Variants in CDC42BPA observed in about 807,000 individuals in gnomAD.
The protein encoded by CDC42BPA is CDC42 binding protein kinase alpha.
A neutral mutation model predicts 223.5 loss-of-function variants in CDC42BPA; 80 were observed. That is an observed-to-expected ratio of 0.36 (90% CI 0.30 to 0.43). CDC42BPA has a LOEUF of 0.43. Among genes scored for constraint, CDC42BPA ranks in the 20% least tolerant of loss-of-function variants. The pLI is 1.00. For synonymous variants in CDC42BPA, 694 were observed against 718.6 expected (o/e 0.97, Z 0.55); for missense variants, 1,743 against 2,099.9 (o/e 0.83, Z 3.32).
intron 1 of CDC42BPA, among the ~76,000 whole-genome samples, chr1:227,307,603 C>G (rs1572993254): frequency 1.3e-5 from 2 of 152,166 alleles, no homozygotes; most frequent in Non-Finnish European, 2.9e-5. Flanking sequence ...ACAAAAAGCA[C>G]TATTTTCCAA....
In CDC42BPA at chr1:227,181,811, G is replaced by A. The variant is rs529472140; in HGVS notation, c.599+11975C>T. On this transcript the variant is annotated intron_variant, in intron 5 of 36. Coordinates refer to ENST00000366766, the MANE Select transcript of CDC42BPA (RefSeq NM_001394014.1). ...TGTCCAACTTGGGCACAACTATGAAGTAGAAGTATTTTCTTAAGCTTTTAT... is the reference window on the plus strand; with the variant it reads ...TGTCCAACTTGGGCACAACTATGAAATAGAAGTATTTTCTTAAGCTTTTAT... Among the ~76,000 whole-genome samples the A allele has an allele frequency of 1.2e-4, 18 of 152,238 alleles. 1 individual carries two copies. The South Asian group carries it at 2.9e-3, about 25-fold the overall frequency.
chr1:227,137,544 A>G (rs4351610), intron 10 of CDC42BPA, among the ~76,000 whole-genome samples: 55,731 of 151,750 alleles, frequency 0.37, 10,388 homozygotes, highest in Middle Eastern at 0.39. Context: ...TAGGACCACC[A>G]AAATAAATAG....
At chr1:227,040,575 A>C (rs1410302599) in intron 23 of CDC42BPA, among the ~76,000 whole-genome samples, 1 of 152,210 alleles carries the variant, frequency 6.6e-6, no homozygotes, top group Non-Finnish European at 1.5e-5. Flanking sequence ...GCAAATAGTT[A>C]AGTAAAATAT....
rs185887877 is a variant in CDC42BPA, at chr1:227,111,644, T to C, written c.2001+668A>G. 2.0e-5 allele frequency among the ~76,000 whole-genome samples: 3 copies of C among 152,072 alleles called. No homozygotes were observed. The East Asian group carries it at 5.8e-4, about 29-fold the overall frequency. On this transcript the variant is annotated intron_variant, in intron 14 of 36. Coordinates refer to ENST00000366766, the MANE Select transcript of CDC42BPA (RefSeq NM_001394014.1). ...GGATTACAGGCGTGCGCACCATGCC[T>C]GGCTAATTTTGTATTTTTAGTAGAG...
In CDC42BPA at chr1:226,992,600, C is replaced by T. The variant is rs1342615868; in HGVS notation, c.*1668G>A. 2 of 152,250 alleles carry T rather than the reference C, an allele frequency of 1.3e-5. No individual in the cohort carries two copies. The highest frequency in any genetic ancestry group is 2.9e-5 in the Non-Finnish European group (2 of 68,048). The allele number at this position is 152,250 out of a possible 1,614,324, so 9.4% of individuals were successfully genotyped here. A position where few individuals can be genotyped will look rare whatever the true frequency, so the allele number is the denominator to read the frequency against. On this transcript the variant is annotated 3_prime_UTR_variant, in exon 37 of 37. Transcript: ENST00000366766. ...AGCAGTGAAATGATGGCCTTAAACA[C>T]TGCAACTCAGGTTAGCAACTGCAGG...
chr1:227,225,580 G>A (rs1468370319), intron 2 of CDC42BPA, among the ~76,000 whole-genome samples: 1 of 152,068 alleles, frequency 6.6e-6, no homozygotes, highest in African/African-American at 2.4e-5. Context: ...AAGTTGTATA[G>A]GTGTTCTCAT....
At chr1:227,059,409 G>A (rs893082639) in intron 21 of CDC42BPA, 2 of 1,562,468 alleles carry the variant, frequency 1.3e-6, no homozygotes, top group Non-Finnish European at 1.7e-6. Flanking sequence ...AGGATGGAGA[G>A]CGCTTCAACA....
At position 227,005,026 on chromosome 1, in the gene CDC42BPA, C is replaced by T. The variant is rs576159915; in HGVS notation, c.4943G>A (p.Arg1648His). Residue 1648 changes from arginine (R) to histidine (H), a missense_variant, in exon 35 of 37, where the codon CGC (arginine) becomes CAC (histidine). Physicochemically the swap from Arg to His is conservative, Grantham distance 29. Transcript: ENST00000366766. ...CAAGCCACTGCTAGCACTCATGGAG[C>T]GGCCTGGCTCAGGGCGGGATTTGGT... The part of the protein sequence containing the change: ...SITKSRPEPG[R>H]SMSASSGLSA... The T allele has an allele frequency of 2.5e-6, 4 of 1,613,988 alleles. No individual in the cohort carries two copies. The highest frequency in any genetic ancestry group is 2.7e-5 in the African/African-American group (2 of 75,034).
intron 6 of CDC42BPA, among the ~76,000 whole-genome samples, chr1:227,153,130 G>A (rs969357454): frequency 1.3e-5 from 2 of 151,204 alleles, no homozygotes; most frequent in Admixed American, 6.6e-5. Flanking sequence ...TTTAAAAAAC[G>A]AATAAATAGA....
chr1:227,316,859 T>C, intron 1 of CDC42BPA, 146 bp downstream of exon 1: 1 of 646,174 alleles, frequency 1.5e-6, no homozygotes, highest in South Asian at 2.1e-5. Flanking sequence ...TACCAAAAAC[T>C]AGCGGAAAAT....
At chr1:227,151,329 ATTTCC>A (rs997419161) in intron 6 of CDC42BPA, among the ~76,000 whole-genome samples, 16 of 152,312 alleles carry the variant, frequency 1.1e-4, no homozygotes, top group African/African-American at 3.8e-4. Context: ...ACGTGTCAGA[ATTTCC>A]TTTCTTTTTA....
intron 16 of CDC42BPA, among the ~76,000 whole-genome samples, chr1:227,090,019 T>TG (rs145374081): frequency 0.28 from 43,078 of 151,992 alleles, 6,307 homozygotes; most frequent in African/African-American, 0.35. Flanking sequence ...ATAACAATTA[T>TG]TGACCTGCTT....
chr1:227,078,550 A>T (rs1426671452), intron 17 of CDC42BPA, among the ~76,000 whole-genome samples: 1 of 152,120 alleles, frequency 6.6e-6, no homozygotes, highest in African/African-American at 2.4e-5. Flanking sequence ...AAGTCCTCTG[A>T]TGAGCCAATG....
chr1:227,290,455 T>G (rs558458390), intron 1 of CDC42BPA, among the ~76,000 whole-genome samples: 1 of 152,322 alleles, frequency 6.6e-6, no homozygotes, highest in Admixed American at 6.5e-5. Context: ...TTTAAAAAAT[T>G]TATTGAATTG....
In CDC42BPA at chr1:227,243,080, C is replaced by T. The variant is rs1376701667; in HGVS notation, c.270+10984G>A. Among the ~76,000 whole-genome samples the T allele has an allele frequency of 2.6e-5, 4 of 152,194 alleles. No individual in the cohort carries two copies. In the South Asian group the frequency reaches 6.2e-4, roughly 24 times the overall value. On this transcript the variant is annotated intron_variant, in intron 2 of 36. Transcript: ENST00000366766. The stretch of plus-strand genomic sequence containing the variant: ...TGCAAACTAACACAGGAACAGAAAA[C>T]CAAATACCCCATGTTCTCACTTGTA...
intron 3 of CDC42BPA, among the ~76,000 whole-genome samples, chr1:227,201,499 A>T (rs1444661313): frequency 6.6e-6 from 1 of 152,176 alleles, no homozygotes; most frequent in African/African-American, 2.4e-5. Context: ...AAGAAACAAA[A>T]ATAACACTAT....
intron 8 of CDC42BPA, 91 bp downstream of exon 8, chr1:227,145,398 C>T: frequency 9.1e-7 from 1 of 1,098,384 alleles, no homozygotes. Flanking sequence ...GTAAAATCAT[C>T]CTAGCAAAAT....
intron 14 of CDC42BPA, among the ~76,000 whole-genome samples, chr1:227,109,361 T>C (rs1686499633): frequency 6.6e-6 from 1 of 150,900 alleles, no homozygotes; most frequent in Admixed American, 6.6e-5. Flanking sequence ...TGTACAGATG[T>C]ACAAAAATGT....
chr1:227,234,818 C>T (rs1236349087), intron 2 of CDC42BPA: 1 of 152,274 alleles, frequency 6.6e-6, no homozygotes, highest in Non-Finnish European at 1.5e-5. Flanking sequence ...GCTTGCCCAA[C>T]CCGTGGCCCA....
Sources: gnomAD v4.1 joint callset for allele counts (sites outside exome capture counted in the v4.1 genomes callset) on GRCh38, gnomAD v4.1.1 for gene constraint, MANE v1.5 for transcripts, NCBI Gene and HGNC (gene_info 2026-07-23, HGNC 2026-07-21) for gene names.